The following WWOX variants were observed in gnomAD, a reference collection of about 807,000 sequenced individuals.
WWOX encodes WW domain containing oxidoreductase, also known as WW domain-containing oxidoreductase.
Under a neutral mutation model 46.2 loss-of-function variants are expected in WWOX, and 69 were observed. The observed-to-expected ratio is 1.49, with a 90% CI of 1.23 to 1.82. WWOX has a LOEUF of 1.82. Among genes scored for constraint, WWOX ranks in the 40% most tolerant of loss-of-function variants. The probability of loss-of-function intolerance (pLI) is 0.00; values close to 1 mark genes in which losing one functional copy is unlikely to be tolerated. For missense variants in WWOX, 919 were observed against 542.6 expected (o/e 1.69, Z -6.89); for synonymous variants, 359 against 202.6 (o/e 1.77, Z -6.56).
intron 8 of WWOX, among the ~76,000 whole-genome samples, chr16:78,607,781 A>G (rs1189239072): frequency 6.6e-6 from 1 of 151,046 alleles, no homozygotes; most frequent in African/African-American, 2.4e-5. Flanking sequence ...GCATTTTCAT[A>G]TTTGTCATTT....
At chr16:78,578,804 G>A (rs2044972676) in intron 8 of WWOX, among the ~76,000 whole-genome samples, 1 of 152,162 alleles carries the variant, frequency 6.6e-6, no homozygotes, top group East Asian at 1.9e-4. Context: ...GCGGCTTCCA[G>A]AATTGCATCC....
chr16:78,324,983 A>T (rs1277032679), intron 5 of WWOX, among the ~76,000 whole-genome samples: 1 of 152,228 alleles, frequency 6.6e-6, no homozygotes, highest in Non-Finnish European at 1.5e-5. Flanking sequence ...CTTTGCTCCC[A>T]GAGAAAACCA....
intron 8 of WWOX, among the ~76,000 whole-genome samples, chr16:78,762,544 T>C (rs7197132): frequency 1.1e-3 from 168 of 152,272 alleles, no homozygotes; most frequent in African/African-American, 3.9e-3. Flanking sequence ...ATTCAGAGCA[T>C]AGGGCAGCAC....
At chr16:78,901,612 T>C (rs552947829) in intron 8 of WWOX, among the ~76,000 whole-genome samples, 48 of 152,296 alleles carry the variant, frequency 3.2e-4, no homozygotes, top group Non-Finnish European at 5.4e-4. Context: ...CTCAGCCTCC[T>C]GAGTAACTAG....
intron 8 of WWOX, among the ~76,000 whole-genome samples, chr16:78,765,108 C>A (rs979137391): frequency 6.6e-6 from 1 of 152,080 alleles, no homozygotes; most frequent in South Asian, 2.1e-4. Flanking sequence ...GGCGGCTGTG[C>A]GGGGATGTGG....
At chr16:79,075,300 A>T (rs959908015) in intron 8 of WWOX, among the ~76,000 whole-genome samples, 1 of 152,180 alleles carries the variant, frequency 6.6e-6, no homozygotes, top group Admixed American at 6.5e-5. Flanking sequence ...TGTAAAAATC[A>T]TACATGTATG....
At chr16:78,604,207 G>A (rs1259616895) in intron 8 of WWOX, among the ~76,000 whole-genome samples, 1 of 151,914 alleles carries the variant, frequency 6.6e-6, no homozygotes, top group Non-Finnish European at 1.5e-5. Flanking sequence ...CATGTGGATG[G>A]GCCCAAAATA....
chr16:78,226,721 G>A (rs1030735198), intron 5 of WWOX, among the ~76,000 whole-genome samples: 15 of 152,014 alleles, frequency 9.9e-5, no homozygotes, highest in Non-Finnish European at 1.9e-4. Context: ...GGTAATAGAC[G>A]CCGGCATGGC....
In WWOX at chr16:79,008,759, A is replaced by G. The variant is rs180781761; in HGVS notation, c.1057-202849A>G. Among the ~76,000 whole-genome samples the G allele has an allele frequency of 4.7e-4, 72 of 152,252 alleles. No homozygotes were observed. The East Asian group carries it at 0.013, about 27-fold the overall frequency. On this transcript the variant is annotated intron_variant, in intron 8 of 8. Coordinates refer to ENST00000566780, the MANE Select transcript of WWOX (RefSeq NM_016373.4). Reference sequence around the variant, plus strand: ...CCTTGCTGTTTGTTGGTTTCAGCAAACAAAGGGAGATCACAGCACCTGTCC... The same window carrying G: ...CCTTGCTGTTTGTTGGTTTCAGCAAGCAAAGGGAGATCACAGCACCTGTCC...
chr16:79,179,937 C>G (rs28647782), intron 8 of WWOX, among the ~76,000 whole-genome samples: 9,624 of 152,204 alleles, frequency 0.063, 1,042 homozygotes, highest in African/African-American at 0.22. Context: ...CAAGGACACA[C>G]AGGTGATGAA....
At chr16:78,602,025 A>T (rs1432175118) in intron 8 of WWOX, among the ~76,000 whole-genome samples, 1 of 152,242 alleles carries the variant, frequency 6.6e-6, no homozygotes, top group Admixed American at 6.5e-5. Flanking sequence ...TAGGGATATA[A>T]TGAAATATCT....
At chr16:78,365,289 G>A (rs1253500443) in intron 5 of WWOX, among the ~76,000 whole-genome samples, 1 of 152,170 alleles carries the variant, frequency 6.6e-6, no homozygotes, top group African/African-American at 2.4e-5. Context: ...GAAACCGCTG[G>A]AGGAAGCTAA....
At chr16:78,933,165 G>A (rs1036752042) in intron 8 of WWOX, among the ~76,000 whole-genome samples, 16 of 152,202 alleles carry the variant, frequency 1.1e-4, no homozygotes, top group African/African-American at 3.1e-4. Context: ...TTGGCCTGGC[G>A]TGGTGGCTCA....
At chr16:78,357,365 T>C (rs1299371435) in intron 5 of WWOX, among the ~76,000 whole-genome samples, 1 of 152,178 alleles carries the variant, frequency 6.6e-6, no homozygotes, top group African/African-American at 2.4e-5. Flanking sequence ...CAAAGGAACC[T>C]GCACTGTGCC....
intron 8 of WWOX, among the ~76,000 whole-genome samples, chr16:79,040,898 A>G (rs1200039331): frequency 1.3e-5 from 2 of 152,040 alleles, no homozygotes; most frequent in Non-Finnish European, 2.9e-5. Flanking sequence ...TGCCCAAGGG[A>G]GAGGTTGCTC....
intron 8 of WWOX, among the ~76,000 whole-genome samples, chr16:79,066,069 C>T (rs771650754): frequency 1.3e-5 from 2 of 152,196 alleles, no homozygotes; most frequent in Non-Finnish European, 2.9e-5. Context: ...ATCGCAGCCT[C>T]CAGCTTCTCC....
chr16:78,140,158 G>A (rs188884558), intron 4 of WWOX, among the ~76,000 whole-genome samples: 1 of 152,262 alleles, frequency 6.6e-6, no homozygotes. Context: ...CATGGTGAGC[G>A]TAAAAATGGT....
chr16:78,791,848 G>A (rs192562889), intron 8 of WWOX, among the ~76,000 whole-genome samples: 44 of 152,180 alleles, frequency 2.9e-4, no homozygotes, highest in Admixed American at 6.5e-5. Flanking sequence ...CCACTGCACT[G>A]CAGCCTGGGC....
rs1170717426 is a variant in WWOX, at chr16:78,432,706, T to C, written c.1010T>C (p.Val337Ala). 1.9e-6 allele frequency: 3 copies of C among 1,614,066 alleles called. No individual in the cohort carries two copies. The East Asian group carries it at 6.7e-5, about 36-fold the overall frequency. The change falls in exon 8 of 9, where the codon GTG becomes GCG. Residue 337 changes from valine (V) to alanine (A), a missense_variant. Physicochemically the swap from Val to Ala is moderately conservative, Grantham distance 64. Coordinates refer to ENST00000566780, the MANE Select transcript of WWOX (RefSeq NM_016373.4). The stretch of plus-strand genomic sequence containing the variant: ...TCCAACATTCATCGCAGCTGGTGGG[T>C]GTACACACTGCTGTTTACCTTGGCG... ...MYSNIHRSWW[V>A]YTLLFTLARP... is the part of the protein sequence containing the mutation.
Sources: gnomAD v4.1 joint callset for allele counts (sites outside exome capture counted in the v4.1 genomes callset) on GRCh38, gnomAD v4.1.1 for gene constraint, MANE v1.5 for transcripts, NCBI Gene and HGNC (gene_info 2026-07-23, HGNC 2026-07-21) for gene names.